Variants in LRRC7 observed in about 807,000 individuals in gnomAD.
The protein encoded by LRRC7 is leucine rich repeat containing 7.
Under a neutral mutation model 175.7 loss-of-function variants are expected in LRRC7, and 23 were observed. The observed-to-expected ratio is 0.13, with a 90% confidence interval of 0.09 to 0.19. The LOEUF (loss-of-function observed/expected upper bound fraction) is 0.19. Among genes scored for constraint, LRRC7 ranks in the 10% least tolerant of loss-of-function variants. The pLI, the probability that LRRC7 is intolerant of heterozygous loss-of-function variation, is 1.00. For synonymous variants in LRRC7, 685 were observed against 680.9 expected (o/e 1.01, Z -0.09); for missense variants, 1,354 against 1,904.7 (o/e 0.71, Z 5.38).
chr1:70,060,196 C>T lies in LRRC7; in HGVS notation c.4230+7051C>T, dbSNP rs138536240. 2.4e-3 allele frequency among the ~76,000 whole-genome samples: 360 copies of T among 151,848 alleles called. 1 individual carries two copies. The highest frequency in any genetic ancestry group is 8.0e-3 in the African/African-American group (333 of 41,380). ...AAAATTAGCCAGGTGTGGTGGTGTG[C>T]GTCTGTAGTCCCAGCTACTGGGGAG... On this transcript the variant is annotated intron_variant, in intron 23 of 26. Transcript: ENST00000651989.
At chr1:70,112,022 C>T (rs1665559385) in intron 26 of LRRC7, among the ~76,000 whole-genome samples, 1 of 152,004 alleles carries the variant, frequency 6.6e-6, no homozygotes, top group Non-Finnish European at 1.5e-5. Flanking sequence ...ATTTGCAATC[C>T]AAACATACTC....
At chr1:70,062,980 T>C (rs1661697837) in intron 23 of LRRC7, among the ~76,000 whole-genome samples, 1 of 152,118 alleles carries the variant, frequency 6.6e-6, no homozygotes, top group Non-Finnish European at 1.5e-5. Context: ...ACAGTCACTT[T>C]TGTATTGGAT....
chr1:69,710,278 C>CAAAAAAAAAAAAAAAAAA (rs77553066), intron 2 of LRRC7, among the ~76,000 whole-genome samples: 1 of 87,210 alleles, frequency 1.1e-5, no homozygotes, highest in Non-Finnish European at 2.2e-5. Context: ...GACTCCGTCT[C>CAAAAAAAAAAAAAAAAAA]AAAAAAAAAA....
At position 69,866,226 on chromosome 1, in the gene LRRC7, G is replaced by A. The variant is rs143090359; in HGVS notation, c.647+27943G>A. Among the ~76,000 whole-genome samples, 121 of 152,274 alleles carry A rather than the reference G, an allele frequency of 7.9e-4. 1 individual carries two copies. The highest frequency in any genetic ancestry group is 2.8e-3 in the African/African-American group (118 of 41,574). ...CCTGAAAAGAAAACAATAATAGATG[G>A]TGAAAGTGAGAGAAAGAGGAATCTT... On this transcript the variant is annotated intron_variant, in intron 7 of 26. Transcript: ENST00000651989.
intron 7 of LRRC7, among the ~76,000 whole-genome samples, chr1:69,887,922 G>T (rs899582986): frequency 1.4e-4 from 21 of 146,934 alleles, no homozygotes; most frequent in Non-Finnish European, 2.4e-4. Context: ...CTCTCAGTTA[G>T]GCTGCTCAGG....
At chr1:69,754,166 C>T in intron 2 of LRRC7, among the ~76,000 whole-genome samples, 1 of 151,978 alleles carries the variant, frequency 6.6e-6, no homozygotes. Flanking sequence ...TTGGACTTTA[C>T]TTTGAGGACA....
In LRRC7 at chr1:70,143,022, C is replaced by T. The variant is rs927204360; in HGVS notation, c.*21135C>T. ...CTCTATAAAGAAGTTCTACTTCTAC[C>T]TATATGAATTTGTATTTTCCCATAT... is the stretch of plus-strand genomic sequence containing the variant. On this transcript the variant is annotated 3_prime_UTR_variant, in exon 27 of 27. Coordinates refer to ENST00000651989, the MANE Select transcript of LRRC7 (RefSeq NM_001370785.2). 6.6e-6 allele frequency: 1 copy of T among 152,044 alleles called. No homozygotes were observed. The highest frequency in any genetic ancestry group is 1.5e-5 in the Non-Finnish European group (1 of 67,978). 9.4% of individuals were successfully genotyped at this position (152,044 alleles called of 1,614,324 possible).
chr1:70,122,876 A>G lies in LRRC7; in HGVS notation c.*989A>G, dbSNP rs1478668814. ...TTTAAAACGAATTTTGGAAATTGAT[A>G]AAATTTATCATTACGAAAGACTGCT... On this transcript the variant is annotated 3_prime_UTR_variant, in exon 27 of 27. Transcript: ENST00000651989. 6.6e-6 allele frequency: 1 copy of G among 152,548 alleles called. No individual in the cohort carries two copies. The highest frequency in any genetic ancestry group is 1.5e-5 in the Non-Finnish European group (1 of 67,948). The allele number at this position is 152,548 out of a possible 1,614,324, so 9.4% of individuals were successfully genotyped here. A position where few individuals can be genotyped will look rare whatever the true frequency, so the allele number is the denominator to read the frequency against.
chr1:69,848,602 C>T (rs911197347), intron 7 of LRRC7, among the ~76,000 whole-genome samples: 21 of 152,026 alleles, frequency 1.4e-4, no homozygotes, highest in African/African-American at 4.6e-4. Context: ...ACACCAAATC[C>T]GCTGAAATGT....
chr1:69,756,454 A>T (rs1670440279), intron 2 of LRRC7, among the ~76,000 whole-genome samples: 1 of 151,904 alleles, frequency 6.6e-6, no homozygotes, highest in Non-Finnish European at 1.5e-5. Flanking sequence ...GATTAAAAAA[A>T]ATCAAAGCAT....
chr1:69,784,902 G>T (rs1250290302), intron 3 of LRRC7, among the ~76,000 whole-genome samples: 1 of 152,058 alleles, frequency 6.6e-6, no homozygotes, highest in Non-Finnish European at 1.5e-5. Context: ...TAACTTAATT[G>T]CATTATTGAC....
rs568737517 is a variant in LRRC7, at chr1:69,604,153, G to A, written c.2+35512G>A. Among the ~76,000 whole-genome samples, 6 of 152,128 alleles carry A rather than the reference G, an allele frequency of 3.9e-5. No homozygotes were observed. The East Asian group carries it at 1.2e-3, about 29-fold the overall frequency. ...TAAAAAGACAAGCTATGGCTTCTGT[G>A]TTGTTTTCTCTGGGAATTTACGTAG... On this transcript the variant is annotated intron_variant, in intron 1 of 26. Transcript: ENST00000651989.
At chr1:69,621,715 T>A (rs1440355633) in intron 1 of LRRC7, among the ~76,000 whole-genome samples, 3 of 152,184 alleles carry the variant, frequency 2.0e-5, no homozygotes, top group Non-Finnish European at 4.4e-5. Flanking sequence ...TAGCAGCAAC[T>A]GGAATTGTAT....
chr1:70,062,654 C>T (rs2102089020), intron 23 of LRRC7, among the ~76,000 whole-genome samples: 1 of 152,058 alleles, frequency 6.6e-6, no homozygotes, highest in Middle Eastern at 3.4e-3. Flanking sequence ...GAAATAAGAC[C>T]TTTCAGAGGC....
At chr1:69,760,031 T>C in intron 2 of LRRC7, 160 bp from the exon 3 acceptor site, 1 of 719,636 alleles carries the variant, frequency 1.4e-6, no homozygotes, top group Non-Finnish European at 2.2e-6. Flanking sequence ...TTCGCAGGGC[T>C]GTTTAAGGAT....
chr1:70,041,522 C>G (rs1378673150), intron 21 of LRRC7, among the ~76,000 whole-genome samples: 1 of 152,220 alleles, frequency 6.6e-6, no homozygotes, highest in African/African-American at 2.4e-5. Context: ...CAAGTATACC[C>G]TCCATGTAGA....
intron 3 of LRRC7, among the ~76,000 whole-genome samples, chr1:69,766,900 G>A (rs1417444): frequency 0.16 from 24,913 of 152,058 alleles, 2,504 homozygotes; most frequent in Non-Finnish European, 0.23. Context: ...TTGTCGAGAT[G>A]CAATTTACAT....
rs570912756 is a variant in LRRC7, at chr1:69,900,605, C to G, written c.648-30902C>G. On this transcript the variant is annotated intron_variant, in intron 7 of 26. Coordinates refer to ENST00000651989, the MANE Select transcript of LRRC7 (RefSeq NM_001370785.2). ...AAGGTGCCAAATCATAATAAATATT[C>G]TCCTCAACAATTCTACCTTAAAAAG... Among the ~76,000 whole-genome samples, 31 of 152,152 alleles carry G rather than the reference C, an allele frequency of 2.0e-4. No individual in the cohort carries two copies. The South Asian group carries it at 6.2e-3, about 30-fold the overall frequency.
chr1:69,601,362 C>T (rs964441725), intron 1 of LRRC7, among the ~76,000 whole-genome samples: 1 of 152,172 alleles, frequency 6.6e-6, no homozygotes, highest in African/African-American at 2.4e-5. Context: ...GTGGATCATT[C>T]TAGCCTCCCC....
Sources: gnomAD v4.1 joint callset for allele counts (sites outside exome capture counted in the v4.1 genomes callset) on GRCh38, gnomAD v4.1.1 for gene constraint, MANE v1.5 for transcripts, NCBI Gene and HGNC (gene_info 2026-07-23, HGNC 2026-07-21) for gene names.